The following GALNT13 variants were observed in gnomAD, a reference collection of about 807,000 sequenced individuals.
GALNT13 encodes UDP-GalNAc:polypeptide N-acetylgalactosaminyltransferase 13.
GALNT13 carries 28 observed loss-of-function variants against 64.2 expected under a neutral mutation model. The ratio of observed to expected loss-of-function variants is 0.44; its 90% CI spans 0.32 to 0.60. The LOEUF is 0.60. Among genes scored for constraint, GALNT13 ranks in the 20% least tolerant of loss-of-function variants. The pLI, the probability that GALNT13 is intolerant of heterozygous loss-of-function variation, is 0.05. For missense variants in GALNT13, 577 were observed against 669.8 expected (o/e 0.86, Z 1.53); for synonymous variants, 214 against 224.6 (o/e 0.95, Z 0.42).
the GALNT13 span, among the ~76,000 whole-genome samples, chr2:153,204,464 A>T: frequency 6.6e-6 from 1 of 152,078 alleles, no homozygotes; most frequent in Non-Finnish European, 1.5e-5. Context: ...CAGCTTTTTT[A>T]GTTATACTTA....
the GALNT13 span, among the ~76,000 whole-genome samples, chr2:153,506,403 C>T: frequency 6.6e-6 from 1 of 151,810 alleles, no homozygotes; most frequent in African/African-American, 2.4e-5. Context: ...GCCTGAATAC[C>T]TTTTTTTCAT....
intron 9 of GALNT13, among the ~76,000 whole-genome samples, chr2:154,321,983 A>G (rs1458165466): frequency 2.0e-5 from 3 of 151,916 alleles, no homozygotes; most frequent in South Asian, 4.1e-4. Context: ...TCCTAGGTAT[A>G]TACATATTTG....
chr2:154,127,655 T>C (rs1682363884), intron 3 of GALNT13, among the ~76,000 whole-genome samples: 1 of 150,736 alleles, frequency 6.6e-6, no homozygotes, highest in South Asian at 2.1e-4. Context: ...TGTGTAGATA[T>C]GGATATATAT....
intron 4 of GALNT13, among the ~76,000 whole-genome samples, chr2:154,221,088 T>C (rs1274864495): frequency 4.6e-5 from 7 of 152,052 alleles, no homozygotes; most frequent in Admixed American, 1.3e-4. Flanking sequence ...CTTACCAATA[T>C]ATTAACCAAT....
chr2:154,051,339 G>GGACTGCA (rs1699600115), intron 3 of GALNT13, among the ~76,000 whole-genome samples: 1 of 140,550 alleles, frequency 7.1e-6, no homozygotes, highest in Non-Finnish European at 1.5e-5. Flanking sequence ...GCCGGACTGC[G>GGACTGCA]GACTGCAGTG....
At chr2:154,174,650 A>G (rs1685550392) in intron 4 of GALNT13, among the ~76,000 whole-genome samples, 1 of 152,168 alleles carries the variant, frequency 6.6e-6, no homozygotes, top group Non-Finnish European at 1.5e-5. Context: ...TTAAAGATAT[A>G]ACCTTTATTT....
At chr2:153,882,365 A>G (rs908456226) in intron 1 of GALNT13, among the ~76,000 whole-genome samples, 9 of 151,992 alleles carry the variant, frequency 5.9e-5, no homozygotes, top group African/African-American at 1.9e-4. Context: ...TTGTATTCAC[A>G]ACTCTATTTT....
At chr2:154,361,501 T>C (rs1349053311) in intron 9 of GALNT13, among the ~76,000 whole-genome samples, 2 of 152,112 alleles carry the variant, frequency 1.3e-5, no homozygotes, top group Non-Finnish European at 2.9e-5. Context: ...ATCCTAGCTC[T>C]CCTGCTTGCC....
chr2:154,199,821 G>A (rs180969322), intron 4 of GALNT13, among the ~76,000 whole-genome samples: 113 of 151,920 alleles, frequency 7.4e-4, no homozygotes, highest in Non-Finnish European at 1.2e-3. Flanking sequence ...AGAATTTTTT[G>A]GCCCTAGGGT....
intron 2 of GALNT13, among the ~76,000 whole-genome samples, chr2:153,937,097 G>T (rs1433948624): frequency 6.6e-6 from 1 of 152,128 alleles, no homozygotes; most frequent in Non-Finnish European, 1.5e-5. Flanking sequence ...AAGATGCTAA[G>T]ACATAGCATA....
At chr2:154,105,177 C>T (rs1356125586) in intron 3 of GALNT13, among the ~76,000 whole-genome samples, 2 of 151,922 alleles carry the variant, frequency 1.3e-5, no homozygotes, top group African/African-American at 4.8e-5. Flanking sequence ...GGTTTTGGCA[C>T]TCTGCCCTCA....
At chr2:153,070,068 C>G in the GALNT13 span, among the ~76,000 whole-genome samples, 5 of 152,168 alleles carry the variant, frequency 3.3e-5, no homozygotes, top group South Asian at 1.0e-3. Flanking sequence ...CAATAAGTGC[C>G]GTTTAGTGAG....
intron 9 of GALNT13, among the ~76,000 whole-genome samples, chr2:154,385,545 A>G (rs891220861): frequency 1.3e-5 from 2 of 152,166 alleles, no homozygotes; most frequent in African/African-American, 4.8e-5. Flanking sequence ...TATACTTAAT[A>G]AAGTTATTTA....
intron 3 of GALNT13, among the ~76,000 whole-genome samples, chr2:154,057,672 G>A (rs1383971523): frequency 1.3e-5 from 2 of 152,186 alleles, no homozygotes; most frequent in African/African-American, 4.8e-5. Flanking sequence ...CAACAAAAGA[G>A]AGCAATGGCA....
the GALNT13 span, chr2:153,761,444 G>C: frequency 1.3e-5 from 2 of 152,362 alleles, no homozygotes; most frequent in African/African-American, 4.8e-5. Context: ...TTACTCACTG[G>C]TCCGTTTATG....
chr2:154,022,577 C>T (rs940182192), intron 3 of GALNT13, among the ~76,000 whole-genome samples: 6 of 151,838 alleles, frequency 4.0e-5, no homozygotes, highest in South Asian at 2.1e-4. Context: ...CTATCTGATT[C>T]TTCTCTCTTT....
rs933046576 is a variant in GALNT13, at chr2:154,084,857, A to T, written c.143-55480A>T. Among the ~76,000 whole-genome samples the T allele has an allele frequency of 7.2e-5, 11 of 152,058 alleles. 1 individual carries two copies. The highest frequency in any genetic ancestry group is 9.6e-5 in the African/African-American group (4 of 41,542). ...TTTGAGTAACTTATCATGATTAACA[A>T]GTTTGAACATTTGCCTTAAATTTGT... On this transcript the variant is annotated intron_variant, in intron 3 of 12. Transcript: ENST00000392825.
chr2:153,295,146 A>G, the GALNT13 span, among the ~76,000 whole-genome samples: 1 of 152,116 alleles, frequency 6.6e-6, no homozygotes, highest in Non-Finnish European at 1.5e-5. Context: ...AATATTTCAG[A>G]GGATGGAAAA....
chr2:154,138,391 A>G lies in GALNT13; in HGVS notation c.143-1946A>G, dbSNP rs371852672. Among the ~76,000 whole-genome samples, 189 of 152,186 alleles carry G rather than the reference A, an allele frequency of 1.2e-3. 1 individual carries two copies. In the Middle Eastern group the frequency reaches 0.02, roughly 16 times the overall value. Reference sequence around the variant, plus strand: ...TTTGTTCCCCTACAAAGATATTGTAAACAACTGTAAACAGGGAATTTCTTT... The same window carrying G: ...TTTGTTCCCCTACAAAGATATTGTAGACAACTGTAAACAGGGAATTTCTTT... On this transcript the variant is annotated intron_variant, in intron 3 of 12. Transcript: ENST00000392825.
Sources: allele counts gnomAD v4.1 joint callset (sites outside exome capture counted in the v4.1 genomes callset), GRCh38; gene constraint gnomAD v4.1.1; transcripts MANE v1.5; gene names NCBI Gene and HGNC (gene_info 2026-07-23, HGNC 2026-07-21).